ANO4: variants seen among roughly 807,000 people sequenced by gnomAD.
ANO4 encodes the protein anoctamin-4.
ANO4 carries 69 observed loss-of-function variants against 141.9 expected under a neutral mutation model. That is an observed-to-expected ratio of 0.49 (90% CI 0.40 to 0.59). The LOEUF (loss-of-function observed/expected upper bound fraction) is 0.59, where lower values mean the gene tolerates loss of function less well. Ranked by LOEUF, ANO4 falls within the 20% of genes least tolerant of loss-of-function variation. ANO4 has a pLI of 0.00. For missense variants in ANO4, 894 were observed against 1,162.2 expected (o/e 0.77, Z 3.36); for synonymous variants, 350 against 394.3 (o/e 0.89, Z 1.33).
At chr12:100,945,744 G>A (rs1440356196) in intron 5 of ANO4, among the ~76,000 whole-genome samples, 1 of 152,166 alleles carries the variant, frequency 6.6e-6, no homozygotes, top group Non-Finnish European at 1.5e-5. Flanking sequence ...TCAGAATCAT[G>A]TGAAACATTG....
At chr12:100,822,060 A>C (rs1325761263) in intron 1 of ANO4, among the ~76,000 whole-genome samples, 1 of 151,932 alleles carries the variant, frequency 6.6e-6, no homozygotes, top group Non-Finnish European at 1.5e-5. Flanking sequence ...TCCTGACCAC[A>C]CTCACCAAAT....
At chr12:101,117,737 TC>T (rs1292502003) in intron 25 of ANO4, among the ~76,000 whole-genome samples, 1 of 152,154 alleles carries the variant, frequency 6.6e-6, no homozygotes, top group Non-Finnish European at 1.5e-5. Context: ...AGATTCCCTA[TC>T]ATGACATTCT....
At chr12:100,821,616 T>TA (rs2036057921) in intron 1 of ANO4, among the ~76,000 whole-genome samples, 1 of 151,852 alleles carries the variant, frequency 6.6e-6, no homozygotes, top group Non-Finnish European at 1.5e-5. Flanking sequence ...TTTTCCAACT[T>TA]ACTGTTCTCA....
chr12:101,089,029 C>T (rs1043992466), intron 17 of ANO4, among the ~76,000 whole-genome samples: 4 of 152,090 alleles, frequency 2.6e-5, no homozygotes, highest in Non-Finnish European at 5.9e-5. Context: ...ATTTATACTG[C>T]GTCTTAAATC....
At position 101,087,758 on chromosome 12, in the gene ANO4, C is replaced by A. The variant is rs2049566339; in HGVS notation, c.1701+934C>A. Among the ~76,000 whole-genome samples, 2 of 152,126 alleles carry A rather than the reference C, an allele frequency of 1.3e-5. 1 individual carries two copies. The highest frequency in any genetic ancestry group is 4.1e-4 in the South Asian group (2 of 4,832). On this transcript the variant is annotated intron_variant, in intron 17 of 27. Coordinates refer to ENST00000392977, the MANE Select transcript of ANO4 (RefSeq NM_001286615.2). Reference sequence around the variant, plus strand: ...TTCCCTCCAGAATCAGCTCCTCCCACAGCCTTCCTAATTGTACTTGCCCAG... The same window carrying A: ...TTCCCTCCAGAATCAGCTCCTCCCAAAGCCTTCCTAATTGTACTTGCCCAG...
intron 20 of ANO4, 45 bp from the exon 21 acceptor site, chr12:101,097,803 T>A: frequency 6.2e-7 from 1 of 1,607,396 alleles, no homozygotes; most frequent in Non-Finnish European, 8.5e-7. Flanking sequence ...CACCCTTTCT[T>A]CCTCTCCATT....
chr12:101,043,709 A>G, intron 13 of ANO4, 74 bp downstream of exon 13: 1 of 1,069,470 alleles, frequency 9.4e-7, no homozygotes, highest in Non-Finnish European at 1.4e-6. Flanking sequence ...GGGTAACTCT[A>G]TTCTGTCATT....
intron 5 of ANO4, among the ~76,000 whole-genome samples, chr12:100,968,264 T>TGTG (rs35775006): frequency 0.45 from 68,170 of 151,650 alleles, 16,190 homozygotes; most frequent in African/African-American, 0.61. Flanking sequence ...CATATAGAAA[T>TGTG]GTATTTATAT....
intron 1 of ANO4, among the ~76,000 whole-genome samples, chr12:100,836,888 A>G (rs2036957155): frequency 1.3e-5 from 2 of 152,148 alleles, no homozygotes; most frequent in African/African-American, 4.8e-5. Context: ...TGAACCATCC[A>G]GGTGAAGACA....
At chr12:101,074,250 A>T (rs10745903) in intron 14 of ANO4, among the ~76,000 whole-genome samples, 66,638 of 152,024 alleles carry the variant, frequency 0.44, 14,952 homozygotes, top group African/African-American at 0.54. Context: ...CCAGGCTGGC[A>T]GACAGCTCCA....
rs1565995292 is a variant in ANO4, at chr12:100,907,075, G to A, written c.55+5235G>A. On this transcript the variant is annotated intron_variant, in intron 2 of 27. Coordinates refer to ENST00000392977, the MANE Select transcript of ANO4 (RefSeq NM_001286615.2). ...GACACCAAGGTTCTCCTCCAGAGAG[G>A]ATAATTAGCATCAGCCTTCCTCTTC... 3.3e-5 allele frequency among the ~76,000 whole-genome samples: 5 copies of A among 152,298 alleles called. No individual in the cohort carries two copies. In the South Asian group the frequency reaches 1.0e-3, roughly 32 times the overall value.
intron 5 of ANO4, among the ~76,000 whole-genome samples, chr12:100,956,743 C>A (rs1286037708): frequency 6.6e-6 from 1 of 152,180 alleles, no homozygotes; most frequent in Non-Finnish European, 1.5e-5. Context: ...CTGTTACAGG[C>A]GTTCGCTGTT....
chr12:101,089,384 C>G (rs1371606357), intron 17 of ANO4, among the ~76,000 whole-genome samples: 1 of 151,972 alleles, frequency 6.6e-6, no homozygotes, highest in Non-Finnish European at 1.5e-5. Context: ...AGTTGCTGAT[C>G]ATTTTGACGT....
intron 5 of ANO4, among the ~76,000 whole-genome samples, chr12:100,948,349 A>T (rs1056223516): frequency 1.3e-5 from 2 of 152,066 alleles, no homozygotes; most frequent in African/African-American, 4.8e-5. Flanking sequence ...CTGAGTGGTC[A>T]TGGGCAATTT....
intron 5 of ANO4, among the ~76,000 whole-genome samples, chr12:100,967,866 T>G (rs559211577): frequency 1.3e-5 from 2 of 152,324 alleles, no homozygotes; most frequent in African/African-American, 4.8e-5. Context: ...GCCATGGATT[T>G]ATTTAAACTT....
intron 7 of ANO4, among the ~76,000 whole-genome samples, chr12:100,984,648 T>TG (rs1296058333): frequency 1.3e-5 from 2 of 152,200 alleles, no homozygotes; most frequent in Admixed American, 1.3e-4. Flanking sequence ...AAGAAGGCTC[T>TG]GAAGGGTAAA....
At chr12:100,737,774 A>C (rs1425117229) in intron 2 of ANO4, among the ~76,000 whole-genome samples, 3 of 152,210 alleles carry the variant, frequency 2.0e-5, no homozygotes, top group African/African-American at 7.2e-5. Flanking sequence ...ATCATCCAAG[A>C]GGTGTTTTCT....
upstream of ANO4, among the ~76,000 whole-genome samples, chr12:100,790,854 C>A (rs2135611595): frequency 6.6e-6 from 1 of 152,274 alleles, no homozygotes; most frequent in Non-Finnish European, 1.5e-5. Flanking sequence ...GCCTACTAAG[C>A]ACTTTGGGGA....
chr12:101,024,021 T>C (rs2046636615), intron 9 of ANO4, among the ~76,000 whole-genome samples: 1 of 152,220 alleles, frequency 6.6e-6, no homozygotes, highest in Non-Finnish European at 1.5e-5. Context: ...AAGGATATTT[T>C]AGTGGAATGT....
Sources: allele counts gnomAD v4.1 joint callset (sites outside exome capture counted in the v4.1 genomes callset), GRCh38; gene constraint gnomAD v4.1.1; transcripts MANE v1.5; gene names NCBI Gene and HGNC (gene_info 2026-07-23, HGNC 2026-07-21).